Variants in FSTL5 observed in about 807,000 individuals in gnomAD.
FSTL5 encodes follistatin like 5.
In FSTL5, 62 loss-of-function variants were observed where a neutral mutation model predicts 89.1. That is an observed-to-expected ratio of 0.70 (90% confidence interval 0.57 to 0.86). The LOEUF is 0.86. Among genes scored for constraint, FSTL5 ranks in the 40% least tolerant of loss-of-function variants. The pLI, the probability that FSTL5 is intolerant of heterozygous loss-of-function variation, is 0.00. For synonymous variants in FSTL5, 383 were observed against 346.2 expected (o/e 1.11, Z -1.18); for missense variants, 1,057 against 1,001.6 (o/e 1.06, Z -0.75).
At chr4:162,036,509 A>T (rs1466866848) in intron 2 of FSTL5, among the ~76,000 whole-genome samples, 2 of 152,072 alleles carry the variant, frequency 1.3e-5, no homozygotes, top group East Asian at 3.9e-4. Context: ...TCAACCAGAT[A>T]CATAAAGTTG....
intron 13 of FSTL5, among the ~76,000 whole-genome samples, chr4:161,467,801 A>T (rs1733796827): frequency 6.6e-6 from 1 of 152,150 alleles, no homozygotes; most frequent in Non-Finnish European, 1.5e-5. Context: ...ACAGGCTGAA[A>T]TTATACGTGG....
At chr4:161,869,131 C>T (rs180976084) in intron 4 of FSTL5, among the ~76,000 whole-genome samples, 150 of 151,038 alleles carry the variant, frequency 9.9e-4, no homozygotes, top group African/African-American at 3.2e-3. Flanking sequence ...ACCCAAGAGG[C>T]GGAGGTTGCA....
At chr4:161,823,304 A>C (rs1279097519) in intron 4 of FSTL5, among the ~76,000 whole-genome samples, 1 of 152,140 alleles carries the variant, frequency 6.6e-6, no homozygotes, top group African/African-American at 2.4e-5. Context: ...CACAGAGCCC[A>C]AGCTGTTCAT....
chr4:161,774,519 C>T (rs1200367377), intron 5 of FSTL5, among the ~76,000 whole-genome samples: 2 of 152,088 alleles, frequency 1.3e-5, no homozygotes, highest in Non-Finnish European at 2.9e-5. Flanking sequence ...AGCCATCTTT[C>T]CTTTGGATTT....
chr4:162,086,403 C>A (rs1331767017), intron 2 of FSTL5, among the ~76,000 whole-genome samples: 1 of 151,404 alleles, frequency 6.6e-6, no homozygotes, highest in Non-Finnish European at 1.5e-5. Context: ...TGATAATAAA[C>A]TTATTTTCTC....
At chr4:162,028,437 G>T (rs1318636258) in intron 3 of FSTL5, among the ~76,000 whole-genome samples, 2 of 151,960 alleles carry the variant, frequency 1.3e-5, no homozygotes, top group African/African-American at 2.4e-5. Flanking sequence ...ATTAGCCAGG[G>T]GTGCTGGCAC....
chr4:161,505,100 A>G (rs1730431630), intron 11 of FSTL5, among the ~76,000 whole-genome samples: 1 of 152,120 alleles, frequency 6.6e-6, no homozygotes, highest in South Asian at 2.1e-4. Flanking sequence ...TGTTGATATT[A>G]TCCTTTTTAC....
chr4:162,049,865 G>A (rs940090087), intron 2 of FSTL5, among the ~76,000 whole-genome samples: 3 of 151,842 alleles, frequency 2.0e-5, no homozygotes, highest in Admixed American at 6.6e-5. Context: ...GAACAAGAAA[G>A]ACTAAAGAAA....
chr4:161,740,316 G>A (rs1386888579), intron 6 of FSTL5, among the ~76,000 whole-genome samples: 1 of 152,132 alleles, frequency 6.6e-6, no homozygotes, highest in Non-Finnish European at 1.5e-5. Context: ...CACCAGGCCC[G>A]GCCTGAAATA....
intron 1 of FSTL5, among the ~76,000 whole-genome samples, chr4:162,118,509 G>C (rs1464298038): frequency 6.6e-6 from 1 of 151,934 alleles, no homozygotes; most frequent in Non-Finnish European, 1.5e-5. Flanking sequence ...GATCCGCCCC[G>C]CTCGGCCTCC....
rs138211495 is a variant in FSTL5, at chr4:162,099,264, T to C, written c.126+12007A>G. 5.9e-5 allele frequency among the ~76,000 whole-genome samples: 9 copies of C among 152,216 alleles called. No homozygotes were observed. In the East Asian group the frequency reaches 1.2e-3, roughly 20 times the overall value. On this transcript the variant is annotated intron_variant, in intron 2 of 15. Coordinates refer to ENST00000306100, the MANE Select transcript of FSTL5 (RefSeq NM_020116.5). ...AAGGGATTTAAGAAAAGGAAAATAA[T>C]TGAAGAAATACTAAAGTGTATAAAA... is the stretch of plus-strand genomic sequence containing the variant.
chr4:161,839,420 C>A lies in FSTL5; in HGVS notation c.410-63346G>T, dbSNP rs536670176. Among the ~76,000 whole-genome samples, 56 of 152,028 alleles carry A rather than the reference C, an allele frequency of 3.7e-4. No individual in the cohort carries two copies. In the South Asian group the frequency reaches 6.0e-3, roughly 16 times the overall value. ...TTTGCCAAAGATCTAATTTCTAATT[C>A]TTTAAAATGGGAAACAACCCAAATG... On this transcript the variant is annotated intron_variant, in intron 4 of 15. Coordinates refer to ENST00000306100, the MANE Select transcript of FSTL5 (RefSeq NM_020116.5).
At chr4:162,090,826 C>CACAT (rs371119843) in intron 2 of FSTL5, among the ~76,000 whole-genome samples, 1 of 151,818 alleles carries the variant, frequency 6.6e-6, no homozygotes, top group African/African-American at 2.4e-5. Flanking sequence ...CACACACACA[C>CACAT]GAGATACCAT....
chr4:162,010,630 C>A (rs1424706720), intron 3 of FSTL5, among the ~76,000 whole-genome samples: 1 of 152,140 alleles, frequency 6.6e-6, no homozygotes, highest in Non-Finnish European at 1.5e-5. Context: ...GCCTAGTAAC[C>A]ACTGTTTAAT....
At position 161,455,115 on chromosome 4, in the gene FSTL5, G is replaced by T. The variant is rs767683200; in HGVS notation, c.1730C>A (p.Ala577Asp). The part of the protein sequence containing the change: ...TSPTLQVITL[A>D]SGNVPHHTIH... ...CGTGTGGTGAGGCACATTCCCACTG[G>T]CCAGGGTAATTACCTAAAGAGAACA... Residue 577 changes from alanine to aspartate, a missense_variant, in exon 15 of 16, where the codon GCC becomes GAC. Ala to Asp is a moderately radical substitution (Grantham distance 126, BLOSUM62 -2). This residue lies in a region of FSTL5 where 980 missense variants were observed against 903.2 expected (regional missense o/e 1.08). Coordinates refer to ENST00000306100, the MANE Select transcript of FSTL5 (RefSeq NM_020116.5). 6.2e-7 allele frequency: 1 copy of T among 1,606,886 alleles called. No homozygotes were observed. Among genetic ancestry groups the T allele is most frequent in the East Asian group, 2.3e-5 (1 of 44,420 alleles).
intron 15 of FSTL5, among the ~76,000 whole-genome samples, chr4:161,392,833 A>G (rs2110880635): frequency 6.6e-6 from 1 of 152,278 alleles, no homozygotes; most frequent in South Asian, 2.1e-4. Flanking sequence ...ATGTTTATAA[A>G]GTACAGAGGT....
intron 10 of FSTL5, among the ~76,000 whole-genome samples, chr4:161,533,610 A>T (rs577014472): frequency 1.2e-4 from 18 of 152,124 alleles, no homozygotes; most frequent in Non-Finnish European, 2.5e-4. Flanking sequence ...AGAGCCTTGG[A>T]CCAGAAGAAT....
intron 4 of FSTL5, among the ~76,000 whole-genome samples, chr4:161,872,616 C>T (rs975591997): frequency 6.6e-6 from 1 of 151,806 alleles, no homozygotes; most frequent in African/African-American, 2.4e-5. Flanking sequence ...ATAAGAGTGG[C>T]GAATAAGAAA....
intron 6 of FSTL5, among the ~76,000 whole-genome samples, chr4:161,678,272 C>A (rs1293307535): frequency 6.6e-6 from 1 of 151,702 alleles, no homozygotes; most frequent in Non-Finnish European, 1.5e-5. Flanking sequence ...CTCACAGAGT[C>A]CACACTTATA....
Sources: allele counts gnomAD v4.1 joint callset (sites outside exome capture counted in the v4.1 genomes callset), GRCh38; gene constraint gnomAD v4.1.1; regional missense constraint gnomAD v4.1.1; transcripts MANE v1.5; gene names NCBI Gene and HGNC (gene_info 2026-07-23, HGNC 2026-07-21).